Variants in UMAD1 observed in about 807,000 individuals in gnomAD.
UMAD1 encodes UBAP1-MVB12-associated (UMA) domain containing 1.
A neutral mutation model predicts 6.1 loss-of-function variants in UMAD1; 8 were observed. That is an observed-to-expected ratio of 1.30 (90% CI 0.76 to 2.35). The LOEUF is 2.35. UMAD1 is among the 30% of genes most tolerant of loss of function. The pLI is 0.00. For synonymous variants in UMAD1, 56 were observed against 31.4 expected (o/e 1.78, Z -2.61); for missense variants, 130 against 78.4 (o/e 1.66, Z -2.49).
chr7:7,789,312 C>G (rs1208638544), intron 2 of UMAD1, among the ~76,000 whole-genome samples: 1 of 146,482 alleles, frequency 6.8e-6, no homozygotes, highest in African/African-American at 2.8e-5. Context: ...TTCCTTTTCC[C>G]TTTAAATACC....
Position 7,749,710 on chromosome 7 carries a change from G to A in UMAD1, c.83-51960G>A, listed in dbSNP as rs62432643. Among the ~76,000 whole-genome samples the A allele has an allele frequency of 1.8e-3, 270 of 152,158 alleles. 2 individuals are homozygous for A. The highest frequency in any genetic ancestry group is 2.7e-3 in the Non-Finnish European group (182 of 67,980). Reference sequence around the variant, plus strand: ...CTGTGATCTAATATGTAGATATGATGAAAAGATTTATAAAATAGCATATAT... The same window carrying A: ...CTGTGATCTAATATGTAGATATGATAAAAAGATTTATAAAATAGCATATAT... On this transcript the variant is annotated intron_variant, in intron 2 of 3. Coordinates refer to ENST00000682710, the MANE Select transcript of UMAD1 (RefSeq NM_001302348.2).
intron 2 of UMAD1, among the ~76,000 whole-genome samples, chr7:7,793,153 C>T (rs796817845): frequency 3.9e-5 from 6 of 152,334 alleles, no homozygotes; most frequent in African/African-American, 1.4e-4. Context: ...GCTTCCCATC[C>T]TTCTCTGCAA....
At chr7:7,793,183 C>T (rs1035888049) in intron 2 of UMAD1, among the ~76,000 whole-genome samples, 2 of 152,174 alleles carry the variant, frequency 1.3e-5, no homozygotes, top group Non-Finnish European at 2.9e-5. Context: ...AATATGTTTT[C>T]CCATTTAATC....
In UMAD1 at chr7:7,808,387, A is replaced by G. The variant is rs201245328; in HGVS notation, c.156+6644A>G. Among the ~76,000 whole-genome samples, 23 of 152,114 alleles carry G rather than the reference A, an allele frequency of 1.5e-4. No homozygotes were observed. The East Asian group carries it at 2.5e-3, about 17-fold the overall frequency. On this transcript the variant is annotated intron_variant, in intron 3 of 3. Transcript: ENST00000682710. ...CATCTCTTAAGAGAATAAACATTAC[A>G]TGTAAGCAAGTCGTCATTCTTTTTC...
At chr7:7,684,663 A>T (rs1217579666) in intron 2 of UMAD1, among the ~76,000 whole-genome samples, 1 of 152,222 alleles carries the variant, frequency 6.6e-6, no homozygotes, top group Non-Finnish European at 1.5e-5. Flanking sequence ...TATTAAATTA[A>T]TTATACAATG....
chr7:7,750,586 CAT>C (rs1377138997), intron 2 of UMAD1, among the ~76,000 whole-genome samples: 1 of 152,130 alleles, frequency 6.6e-6, no homozygotes. Context: ...TTAACAAACA[CAT>C]ATACAACACT....
chr7:7,698,983 TA>T (rs1463558133), intron 2 of UMAD1, among the ~76,000 whole-genome samples: 2 of 150,834 alleles, frequency 1.3e-5, no homozygotes, highest in African/African-American at 4.9e-5. Flanking sequence ...GCCCCCCAAG[TA>T]TCTGGGACTA....
chr7:7,641,804 A>C (rs2115541021), intron 1 of UMAD1: 1 of 152,334 alleles, frequency 6.6e-6, no homozygotes, highest in East Asian at 1.9e-4. Context: ...TCATCGTTCA[A>C]ATTCCCTTAA....
At chr7:7,850,254 A>G (rs935302311) in intron 3 of UMAD1, among the ~76,000 whole-genome samples, 14 of 152,292 alleles carry the variant, frequency 9.2e-5, no homozygotes, top group African/African-American at 3.4e-4. Flanking sequence ...CAAATTACAA[A>G]TATTGATATT....
chr7:7,754,453 A>G (rs144972156), intron 2 of UMAD1, among the ~76,000 whole-genome samples: 1 of 152,208 alleles, frequency 6.6e-6, no homozygotes, highest in African/African-American at 2.4e-5. Context: ...TAATCGGATT[A>G]TTAGTTTTAT....
intron 2 of UMAD1, among the ~76,000 whole-genome samples, chr7:7,756,301 CAG>C (rs1465439946): frequency 2.0e-5 from 3 of 152,064 alleles, no homozygotes; most frequent in Non-Finnish European, 4.4e-5. Context: ...TTAATGTGCT[CAG>C]AGAGTTGAGA....
At chr7:7,791,545 C>G (rs1156887496) in intron 2 of UMAD1, among the ~76,000 whole-genome samples, 1 of 152,150 alleles carries the variant, frequency 6.6e-6, no homozygotes, top group Non-Finnish European at 1.5e-5. Context: ...AGTCTTCCAG[C>G]CTGGAAGTAA....
At chr7:7,733,719 A>G (rs535746430) in intron 2 of UMAD1, among the ~76,000 whole-genome samples, 1 of 151,328 alleles carries the variant, frequency 6.6e-6, no homozygotes, top group African/African-American at 2.4e-5. Context: ...TTCTTTATTT[A>G]TAATAATATA....
intron 3 of UMAD1, among the ~76,000 whole-genome samples, chr7:7,833,620 A>T (rs1222088447): frequency 6.6e-6 from 1 of 152,198 alleles, no homozygotes; most frequent in Non-Finnish European, 1.5e-5. Flanking sequence ...ACTCTTGGTA[A>T]TTACCATACT....
intron 2 of UMAD1, among the ~76,000 whole-genome samples, chr7:7,686,805 C>T (rs1780052052): frequency 6.6e-6 from 1 of 152,150 alleles, no homozygotes; most frequent in African/African-American, 2.4e-5. Flanking sequence ...AGTTTCTGGC[C>T]AATGGGATAT....
intron 2 of UMAD1, among the ~76,000 whole-genome samples, chr7:7,726,794 G>T (rs1781146840): frequency 1.3e-5 from 2 of 152,172 alleles, no homozygotes; most frequent in Non-Finnish European, 2.9e-5. Flanking sequence ...TACCCTTTGG[G>T]CACCTCCCAC....
intron 2 of UMAD1, among the ~76,000 whole-genome samples, chr7:7,704,165 G>A (rs1371223272): frequency 6.6e-6 from 1 of 152,066 alleles, no homozygotes; most frequent in Non-Finnish European, 1.5e-5. Context: ...GAAGAGAAAG[G>A]CCAACTGTTT....
At chr7:7,663,450 T>C (rs9648616) in intron 1 of UMAD1, among the ~76,000 whole-genome samples, 99,190 of 151,940 alleles carry the variant, frequency 0.65, 32,620 homozygotes, top group East Asian at 0.86. Context: ...CAGGCATCTG[T>C]ACCTCTTCCC....
chr7:7,794,803 C>T (rs998765150), intron 2 of UMAD1, among the ~76,000 whole-genome samples: 2 of 152,150 alleles, frequency 1.3e-5, no homozygotes, highest in Admixed American at 6.5e-5. Context: ...ATCTCCTTCC[C>T]TTTCTAGATC....
Sources: allele counts gnomAD v4.1 joint callset (sites outside exome capture counted in the v4.1 genomes callset), GRCh38; gene constraint gnomAD v4.1.1; transcripts MANE v1.5; gene names NCBI Gene and HGNC (gene_info 2026-07-23, HGNC 2026-07-21).